The following TP63 variants were observed in gnomAD, a reference collection of about 807,000 sequenced individuals.
TP63 encodes the protein tumor protein 63.
In TP63, 17 loss-of-function variants were observed where a neutral mutation model predicts 82.8. The observed-to-expected ratio is 0.21, with a 90% CI of 0.14 to 0.31. The LOEUF (loss-of-function observed/expected upper bound fraction) is 0.31, where lower values mean the gene tolerates loss of function less well. Ranked by LOEUF, TP63 falls within the 10% of genes least tolerant of loss-of-function variation. The probability of loss-of-function intolerance (pLI) is 1.00; values close to 1 mark genes in which losing one functional copy is unlikely to be tolerated. For synonymous variants in TP63, 330 were observed against 321.7 expected, an observed-to-expected ratio of 1.03 and a Z score of -0.28; for missense variants, 648 against 895.3, an observed-to-expected ratio of 0.72 and a Z score of 3.52.
At chr3:189,729,710 T>A (rs4602364) in intron 1 of TP63, among the ~76,000 whole-genome samples, 102,037 of 151,792 alleles carry the variant, frequency 0.67, 34,679 homozygotes, top group African/African-American at 0.76. Context: ...ATTTTTCCAT[T>A]TGAGGTTGAA....
chr3:189,815,508 T>C lies in TP63; in HGVS notation c.579+6982T>C, dbSNP rs144713296. The stretch of plus-strand genomic sequence containing the variant: ...AGACCTAGTATTAAAATATTTAAAA[T>C]ATTAAATTAATTATCACAATATTAA... On this transcript the variant is annotated intron_variant, in intron 4 of 13. Coordinates refer to ENST00000264731, the MANE Select transcript of TP63 (RefSeq NM_003722.5). Among the ~76,000 whole-genome samples, 616 of 152,234 alleles carry C rather than the reference T, an allele frequency of 4.0e-3. 5 individuals carry two copies. Among genetic ancestry groups the C allele is most frequent in the African/African-American group, 0.014 (589 of 41,556 alleles).
chr3:189,876,296 T>C (rs992239740), intron 10 of TP63, among the ~76,000 whole-genome samples: 1 of 152,194 alleles, frequency 6.6e-6, no homozygotes, highest in Admixed American at 6.5e-5. Flanking sequence ...TACATAACCC[T>C]CTTTTTCTAT....
At chr3:189,855,124 A>G (rs1043234366) in intron 4 of TP63, among the ~76,000 whole-genome samples, 1 of 152,186 alleles carries the variant, frequency 6.6e-6, no homozygotes, top group African/African-American at 2.4e-5. Flanking sequence ...GGCGGATAGA[A>G]AGTGGAGATC....
At position 189,807,032 on chromosome 3, in the gene TP63, C is replaced by T. The variant is rs553298317; in HGVS notation, c.325-1240C>T. ...TCAACTGAAGAGCTAGGCCTATTTC[C>T]TTTATAAAATATGTACGAATAGGAC... On this transcript the variant is annotated intron_variant, in intron 3 of 13. Coordinates refer to ENST00000264731, the MANE Select transcript of TP63 (RefSeq NM_003722.5). 7.2e-5 allele frequency among the ~76,000 whole-genome samples: 11 copies of T among 152,274 alleles called. No homozygotes were observed. In the South Asian group the frequency reaches 2.3e-3, roughly 32 times the overall value.
intron 1 of TP63, among the ~76,000 whole-genome samples, chr3:189,671,310 A>C (rs569375268): frequency 6.6e-6 from 1 of 152,286 alleles, no homozygotes. Context: ...ATCATCAGGG[A>C]AATGCAAATC....
chr3:189,684,201 C>T (rs1348807505), intron 1 of TP63, among the ~76,000 whole-genome samples: 1 of 152,108 alleles, frequency 6.6e-6, no homozygotes, highest in Non-Finnish European at 1.5e-5. Context: ...TTATTTGGTA[C>T]CTATGGTATG....
At chr3:189,748,607 A>G (rs1193563523) in intron 3 of TP63, among the ~76,000 whole-genome samples, 2 of 151,624 alleles carry the variant, frequency 1.3e-5, no homozygotes, top group African/African-American at 2.4e-5. Context: ...TAAAATGACC[A>G]TGCTGCCCAA....
At chr3:189,704,048 G>A (rs13075832) in intron 1 of TP63, among the ~76,000 whole-genome samples, 1 of 152,190 alleles carries the variant, frequency 6.6e-6, no homozygotes, top group Non-Finnish European at 1.5e-5. Flanking sequence ...ATTTCTTTGG[G>A]TTCACATTTG....
intron 4 of TP63, among the ~76,000 whole-genome samples, chr3:189,819,379 G>GC (rs1437875236): frequency 6.6e-6 from 1 of 151,732 alleles, no homozygotes; most frequent in Non-Finnish European, 1.5e-5. Flanking sequence ...GTGCCATGTT[G>GC]GTGTGCTGCA....
intron 4 of TP63, among the ~76,000 whole-genome samples, chr3:189,828,101 C>T (rs1342825933): frequency 6.6e-6 from 1 of 151,896 alleles, no homozygotes; most frequent in East Asian, 1.9e-4. Flanking sequence ...ATTAGCTGGG[C>T]TAGGTGGTGG....
At chr3:189,843,730 A>G (rs1040229563) in intron 4 of TP63, among the ~76,000 whole-genome samples, 1 of 152,172 alleles carries the variant, frequency 6.6e-6, no homozygotes, top group African/African-American at 2.4e-5. Context: ...GGAATGCCTC[A>G]TTTGTGAATC....
At chr3:189,736,617 CT>C (rs1168860224) in intron 1 of TP63, among the ~76,000 whole-genome samples, 1 of 152,128 alleles carries the variant, frequency 6.6e-6, no homozygotes, top group African/African-American at 2.4e-5. Flanking sequence ...GTATTATACA[CT>C]TTTTATTTCC....
chr3:189,674,622 A>G (rs1715224265), intron 1 of TP63, among the ~76,000 whole-genome samples: 1 of 152,154 alleles, frequency 6.6e-6, no homozygotes, highest in Non-Finnish European at 1.5e-5. Flanking sequence ...CATGAATTGA[A>G]AATTACATGA....
intron 1 of TP63, among the ~76,000 whole-genome samples, chr3:189,699,013 C>T (rs1193536295): frequency 2.0e-5 from 3 of 152,128 alleles, no homozygotes; most frequent in Admixed American, 6.6e-5. Context: ...GTGCTGACCA[C>T]GGTTAGCTCC....
At position 189,652,321 on chromosome 3, in the gene TP63, A is replaced by C. The variant is rs897140069; in HGVS notation, c.62+20744A>C. Among the ~76,000 whole-genome samples, 3 of 146,890 alleles carry C rather than the reference A, an allele frequency of 2.0e-5. 1 individual carries two copies. In the East Asian group the frequency reaches 7.2e-4, roughly 35 times the overall value. ...CTGGATGTGAGACATAAAGTCAAGG[A>C]GATCATTTTGGAACTTTCAGATTTA... On this transcript the variant is annotated intron_variant, in intron 1 of 13. Transcript: ENST00000264731.
rs963383720 is a variant in TP63, at chr3:189,895,379, C to T, written c.*877C>T. 4.6e-6 allele frequency: 1 copy of T among 216,762 alleles called. No homozygotes were observed. Among genetic ancestry groups the T allele is most frequent in the African/African-American group, 2.3e-5 (1 of 44,404 alleles). The allele number at this position is 216,762 out of a possible 1,614,324, so 13.4% of individuals were successfully genotyped here. ...TCAGTAACCCCCTTAAATTTAATAC[C>T]AGATACCTTATCTTACAATATTGAT... On this transcript the variant is annotated 3_prime_UTR_variant, in exon 14 of 14. Coordinates refer to ENST00000264731, the MANE Select transcript of TP63 (RefSeq NM_003722.5).
intron 3 of TP63, among the ~76,000 whole-genome samples, chr3:189,805,229 G>T (rs1265107432): frequency 1.3e-5 from 2 of 152,110 alleles, no homozygotes; most frequent in African/African-American, 4.8e-5. Flanking sequence ...GTTTACTCAA[G>T]AAATTATATA....
Position 189,883,376 on chromosome 3 carries a change from T to C in TP63, c.1350-3018T>C, listed in dbSNP as rs142916769. Among the ~76,000 whole-genome samples, 180 of 152,294 alleles carry C rather than the reference T, an allele frequency of 1.2e-3. 2 individuals are homozygous for C. In the South Asian group the frequency reaches 0.022, roughly 18 times the overall value. On this transcript the variant is annotated intron_variant, in intron 10 of 13. Coordinates refer to ENST00000264731, the MANE Select transcript of TP63 (RefSeq NM_003722.5). Reference sequence around the variant, plus strand: ...TCACTTTCATATTAAAGGGAAGGCATTCCGAATTTCTGACCTTTCCTGACT... The same window carrying C: ...TCACTTTCATATTAAAGGGAAGGCACTCCGAATTTCTGACCTTTCCTGACT...
At chr3:189,764,064 A>C (rs900193640) in intron 3 of TP63, among the ~76,000 whole-genome samples, 6 of 152,212 alleles carry the variant, frequency 3.9e-5, no homozygotes, top group Non-Finnish European at 8.8e-5. Flanking sequence ...GTCCCTGTGC[A>C]TGCATATGAC....
Sources: gnomAD v4.1 joint callset for allele counts (sites outside exome capture counted in the v4.1 genomes callset) on GRCh38, gnomAD v4.1.1 for gene constraint, MANE v1.5 for transcripts, NCBI Gene and HGNC (gene_info 2026-07-23, HGNC 2026-07-21) for gene names.